Variants in TUBGCP4 observed in about 807,000 individuals in gnomAD.
The protein encoded by TUBGCP4 is tubulin gamma complex component 4, also known as gamma-tubulin complex component 4.
In TUBGCP4, 54 loss-of-function variants were observed where a neutral mutation model predicts 91.6. The ratio of observed to expected loss-of-function variants is 0.59; its 90% CI spans 0.47 to 0.74. TUBGCP4 has a LOEUF of 0.74. Ranked by LOEUF, TUBGCP4 falls within the 30% of genes least tolerant of loss-of-function variation. The pLI, the probability that TUBGCP4 is intolerant of heterozygous loss-of-function variation, is 0.00. For missense variants in TUBGCP4, 593 were observed against 800.9 expected (o/e 0.74, Z 3.13); for synonymous variants, 297 against 302.8 (o/e 0.98, Z 0.20).
At chr15:43,402,452 C>A (rs1017326170) in intron 15 of TUBGCP4, 7 of 152,378 alleles carry the variant, frequency 4.6e-5, no homozygotes, top group Admixed American at 2.6e-4. Flanking sequence ...TTCTTGCTGA[C>A]AATACAGAAA....
In TUBGCP4 at chr15:43,408,902, C is replaced by T. The variant is rs2045019652; in HGVS notation, c.*3688C>T. ...GATGGGCTTCAAATACTTACCAGTC[C>T]AGAATTCTTTGCTCCTCAAGGCTGT... On this transcript the variant is annotated 3_prime_UTR_variant, in exon 18 of 18. Transcript: ENST00000564079. 2 of 1,614,106 alleles carry T rather than the reference C, an allele frequency of 1.2e-6. No individual in the cohort carries two copies. The highest frequency in any genetic ancestry group is 8.5e-7 in the Non-Finnish European group (1 of 1,179,990).
chr15:43,393,174 A>G (rs1010196677), intron 9 of TUBGCP4, among the ~76,000 whole-genome samples: 1 of 149,058 alleles, frequency 6.7e-6, no homozygotes, highest in Non-Finnish European at 1.5e-5. Context: ...GTGTTTATCC[A>G]TTCATCCTTG....
intron 6 of TUBGCP4, among the ~76,000 whole-genome samples, chr15:43,382,304 A>G (rs2044297144): frequency 6.6e-6 from 1 of 152,234 alleles, no homozygotes; most frequent in Non-Finnish European, 1.5e-5. Flanking sequence ...GAAAGTTAAC[A>G]TTAATTCAGT....
chr15:43,396,606 G>A (rs1221924857), intron 11 of TUBGCP4, among the ~76,000 whole-genome samples: 2 of 152,162 alleles, frequency 1.3e-5, no homozygotes, highest in Non-Finnish European at 2.9e-5. Context: ...CAAAGCAAAA[G>A]GAAAGAAATA....
At chr15:43,396,434 G>T (rs1233822880) in intron 11 of TUBGCP4, among the ~76,000 whole-genome samples, 1 of 152,106 alleles carries the variant, frequency 6.6e-6, no homozygotes, top group Non-Finnish European at 1.5e-5. Flanking sequence ...GTAGAGTTGG[G>T]TAAGGATCCA....
Position 43,371,288 on chromosome 15 carries a change from C to T in TUBGCP4, c.-67C>T. 1.3e-6 allele frequency: 2 copies of T among 1,523,416 alleles called. No homozygotes were observed. Among genetic ancestry groups the T allele is most frequent in the Non-Finnish European group, 1.8e-6 (2 of 1,111,788 alleles). The allele number at this position is 1,523,416 out of a possible 1,614,324, so 94.4% of individuals were successfully genotyped here. A position where few individuals can be genotyped will look rare whatever the true frequency, so the allele number is the denominator to read the frequency against. On this transcript the variant is annotated 5_prime_UTR_variant, in exon 1 of 18. Transcript: ENST00000564079. ...CGTGTGGAAGGGGAAGCACTCCCCT[C>T]GTGGTCGCCTGGAGGTGCGCTGGAG...
chr15:43,397,140 A>C (rs2044594962), intron 11 of TUBGCP4, 74 bp from the exon 12 acceptor site: 9 of 998,660 alleles, frequency 9.0e-6, no homozygotes, highest in Non-Finnish European at 1.3e-5. Flanking sequence ...TTGGGGGAGA[A>C]GTGGAAAGCT....
At chr15:43,377,669 C>T (rs981571600) in intron 4 of TUBGCP4, 178 bp from the exon 5 acceptor site, 3 of 551,650 alleles carry the variant, frequency 5.4e-6, no homozygotes, top group South Asian at 2.5e-5. Context: ...CTGCCATCCT[C>T]TTCCTATCTG....
At chr15:43,373,679 C>T (rs1441609252) in intron 1 of TUBGCP4, among the ~76,000 whole-genome samples, 3 of 146,008 alleles carry the variant, frequency 2.1e-5, no homozygotes, top group Non-Finnish European at 3.0e-5. Flanking sequence ...GATGGAGTCT[C>T]GCTCTGTCGC....
At chr15:43,401,555 G>A (rs961816061) in intron 14 of TUBGCP4, among the ~76,000 whole-genome samples, 161 bp from the exon 15 acceptor site, 1 of 152,136 alleles carries the variant, frequency 6.6e-6, no homozygotes, top group African/African-American at 2.4e-5. Flanking sequence ...CTTCCTACAA[G>A]GCTGGGCAAT....
At position 43,409,583 on chromosome 15, in the gene TUBGCP4, C is replaced by A; in HGVS notation, c.*4369C>A. 1.1e-6 allele frequency: 1 copy of A among 935,244 alleles called. No homozygotes were observed. 57.9% of individuals were successfully genotyped at this position (935,244 alleles called of 1,614,324 possible). On this transcript the variant is annotated 3_prime_UTR_variant, in exon 18 of 18. Transcript: ENST00000564079. ...TTCCCCAACCCCTCCCAGGCCTCTT[C>A]TCAACACAGCAAGTTGGCTCTTATC...
intron 1 of TUBGCP4, 135 bp from the exon 2 acceptor site, chr15:43,375,963 G>A (rs2044197714): frequency 1.5e-6 from 2 of 1,341,092 alleles, no homozygotes; most frequent in Non-Finnish European, 1.0e-6. Context: ...GAAATACATT[G>A]TTATCCAGAA....
Position 43,395,422 on chromosome 15 carries a change from C to T in TUBGCP4, c.1066-161C>T, listed in dbSNP as rs142037299. 16 of 694,306 alleles carry T rather than the reference C, an allele frequency of 2.3e-5. No individual in the cohort carries two copies. In the Middle Eastern group the frequency reaches 8.3e-4, roughly 36 times the overall value. The allele number at this position is 694,306 out of a possible 1,614,324, so 43.0% of individuals were successfully genotyped here. The stretch of plus-strand genomic sequence containing the variant: ...AATACACACCAGTCATCCTGCTATG[C>T]GGAACTAAGTATGCCTCTTTGAAAT... On this transcript the variant is annotated intron_variant, in intron 10 of 17. Transcript: ENST00000564079.
intron 13 of TUBGCP4, chr15:43,399,198 G>GA: frequency 8.4e-7 from 1 of 1,190,138 alleles, no homozygotes; most frequent in South Asian, 1.5e-5. Flanking sequence ...ATTCTACCAG[G>GA]AATCAGCTGT....
intron 4 of TUBGCP4, among the ~76,000 whole-genome samples, chr15:43,377,273 A>G (rs930175714): frequency 6.6e-6 from 1 of 152,216 alleles, no homozygotes; most frequent in Admixed American, 6.5e-5. Flanking sequence ...ATTAACGCTA[A>G]TGTTACTGCT....
Position 43,403,867 on chromosome 15 carries a change from T to C in TUBGCP4, c.1848+68T>C, listed in dbSNP as rs1359629634. ...GGTGGTTTTGCCAATGGAGAATTCA[T>C]GATCTTTCCTCTGAGTCAGTAAAGC... On this transcript the variant is annotated intron_variant, in intron 16 of 17. Coordinates refer to ENST00000564079, the MANE Select transcript of TUBGCP4 (RefSeq NM_014444.5). 3 of 1,081,184 alleles carry C rather than the reference T, an allele frequency of 2.8e-6. No homozygotes were observed. The African/African-American group carries it at 4.6e-5, about 17-fold the overall frequency. 67.0% of individuals were successfully genotyped at this position (1,081,184 alleles called of 1,614,324 possible).
intron 9 of TUBGCP4, among the ~76,000 whole-genome samples, chr15:43,393,589 C>T (rs2044521844): frequency 6.6e-6 from 1 of 151,970 alleles, no homozygotes; most frequent in African/African-American, 2.4e-5. Flanking sequence ...AATGCTATCC[C>T]TCCCCGGTCC....
chr15:43,407,141 G>A lies in TUBGCP4; in HGVS notation c.*1927G>A. 1 of 448,790 alleles carries A rather than the reference G, an allele frequency of 2.2e-6. No homozygotes were observed. The highest frequency in any genetic ancestry group is 3.8e-5 in the East Asian group (1 of 26,586). The allele number at this position is 448,790 out of a possible 1,614,324, so 27.8% of individuals were successfully genotyped here. On this transcript the variant is annotated 3_prime_UTR_variant, in exon 18 of 18. Transcript: ENST00000564079. Reference sequence around the variant, plus strand: ...CCGTAAGTGAATAAGCCTGTTGAAAGACTCAGAGAAAGTACTATGTCTTGT... The same window carrying A: ...CCGTAAGTGAATAAGCCTGTTGAAAAACTCAGAGAAAGTACTATGTCTTGT...
At chr15:43,371,605 A>G (rs1455783927) in intron 1 of TUBGCP4, among the ~76,000 whole-genome samples, 173 bp downstream of exon 1, 2 of 152,114 alleles carry the variant, frequency 1.3e-5, no homozygotes, top group African/African-American at 4.8e-5. Context: ...TGCGACACCT[A>G]GAGAGGCCGG....
Sources: gnomAD v4.1 joint callset for allele counts (sites outside exome capture counted in the v4.1 genomes callset) on GRCh38, gnomAD v4.1.1 for gene constraint, MANE v1.5 for transcripts, NCBI Gene and HGNC (gene_info 2026-07-23, HGNC 2026-07-21) for gene names.